TMEM232: variants seen among roughly 807,000 people sequenced by gnomAD.
The protein encoded by TMEM232 is transmembrane protein 232.
TMEM232 carries 80 observed loss-of-function variants against 78.8 expected under a neutral mutation model. The observed-to-expected ratio is 1.01, with a 90% confidence interval of 0.85 to 1.22. TMEM232 has a LOEUF of 1.22. Among genes scored for constraint, TMEM232 ranks in the 50% most tolerant of loss-of-function variants. The pLI, the probability that TMEM232 is intolerant of heterozygous loss-of-function variation, is 0.00. For synonymous variants in TMEM232, 297 were observed against 254.3 expected (o/e 1.17, Z -1.60); for missense variants, 881 against 742.2 (o/e 1.19, Z -2.17).
At chr5:110,661,607 A>G (rs1789809863) in intron 2 of TMEM232, among the ~76,000 whole-genome samples, 1 of 152,116 alleles carries the variant, frequency 6.6e-6, no homozygotes, top group South Asian at 2.1e-4. Context: ...GCACTCCACC[A>G]TGCCTAGCCC....
At chr5:110,581,635 A>G (rs1778219063) in intron 10 of TMEM232, among the ~76,000 whole-genome samples, 1 of 151,986 alleles carries the variant, frequency 6.6e-6, no homozygotes, top group Admixed American at 6.6e-5. Flanking sequence ...AGACACCAAT[A>G]GCAATTAAAA....
chr5:110,501,347 G>A (rs979179413), intron 12 of TMEM232, among the ~76,000 whole-genome samples: 1 of 152,018 alleles, frequency 6.6e-6, no homozygotes, highest in Non-Finnish European at 1.5e-5. Context: ...TAAAGGAATT[G>A]TAAGAGAAAA....
At chr5:110,685,703 G>A (rs1051880188) in intron 1 of TMEM232, among the ~76,000 whole-genome samples, 5 of 152,078 alleles carry the variant, frequency 3.3e-5, no homozygotes, top group African/African-American at 7.2e-5. Flanking sequence ...AATGCCTATA[G>A]TACTGTTATT....
intron 11 of TMEM232, among the ~76,000 whole-genome samples, chr5:110,557,429 T>C (rs970344509): frequency 6.6e-6 from 1 of 152,168 alleles, no homozygotes; most frequent in Non-Finnish European, 1.5e-5. Flanking sequence ...GTGTGGTAAT[T>C]TGGAGGTAAG....
At chr5:110,636,724 T>C (rs1224205316) in intron 5 of TMEM232, among the ~76,000 whole-genome samples, 4 of 152,006 alleles carry the variant, frequency 2.6e-5, no homozygotes, top group Non-Finnish European at 4.4e-5. Context: ...ATGTAGAATA[T>C]GTGAAATCAT....
chr5:110,597,624 C>G (rs1430773262), intron 10 of TMEM232, among the ~76,000 whole-genome samples: 28 of 151,592 alleles, frequency 1.8e-4, no homozygotes, highest in Admixed American at 3.3e-4. Context: ...TACTACAAGG[C>G]TACAGTAACC....
At chr5:110,566,749 C>T (rs1197498874) in intron 11 of TMEM232, among the ~76,000 whole-genome samples, 1 of 151,914 alleles carries the variant, frequency 6.6e-6, no homozygotes, top group Non-Finnish European at 1.5e-5. Flanking sequence ...CTTACTGTTC[C>T]AACTTCTGCC....
intron 8 of TMEM232, among the ~76,000 whole-genome samples, chr5:110,613,858 T>G (rs987503074): frequency 6.6e-6 from 1 of 152,104 alleles, no homozygotes; most frequent in Non-Finnish European, 1.5e-5. Flanking sequence ...CAGGCCTTTA[T>G]ATAAATAAAT....
chr5:110,716,643 T>C (rs1406222518), intron 1 of TMEM232, among the ~76,000 whole-genome samples: 1 of 152,094 alleles, frequency 6.6e-6, no homozygotes, highest in Non-Finnish European at 1.5e-5. Context: ...TAAATACAAA[T>C]GAAACTTCAT....
chr5:110,595,027 G>A (rs968874053), intron 10 of TMEM232, among the ~76,000 whole-genome samples: 3 of 152,118 alleles, frequency 2.0e-5, no homozygotes, highest in Non-Finnish European at 2.9e-5. Context: ...GGAGAGCTCC[G>A]GCTGGCATCA....
At chr5:110,633,835 A>G (rs1322033987) in intron 5 of TMEM232, among the ~76,000 whole-genome samples, 2 of 152,188 alleles carry the variant, frequency 1.3e-5, no homozygotes, top group African/African-American at 4.8e-5. Flanking sequence ...GACAGGAACA[A>G]AACTTCACAT....
chr5:110,428,586 T>A (rs373751100), intron 12 of TMEM232, among the ~76,000 whole-genome samples: 24 of 151,674 alleles, frequency 1.6e-4, no homozygotes, highest in African/African-American at 5.1e-4. Context: ...TCAACATACT[T>A]TCTAATGTGC....
At chr5:110,647,927 T>C (rs553294200) in intron 2 of TMEM232, among the ~76,000 whole-genome samples, 1 of 152,036 alleles carries the variant, frequency 6.6e-6, no homozygotes, top group Admixed American at 6.6e-5. Flanking sequence ...CATTTATACA[T>C]ATCATTATTT....
At chr5:110,573,985 GAA>G (rs1232033419) in intron 10 of TMEM232, among the ~76,000 whole-genome samples, 2 of 152,026 alleles carry the variant, frequency 1.3e-5, no homozygotes, top group African/African-American at 4.8e-5. Context: ...GTGGGCCATG[GAA>G]AAGAGTTCAG....
At chr5:110,523,679 A>T (rs908869802) in intron 12 of TMEM232, among the ~76,000 whole-genome samples, 2 of 152,078 alleles carry the variant, frequency 1.3e-5, no homozygotes, top group African/African-American at 4.8e-5. Flanking sequence ...AAGACCTGGA[A>T]TGGCGAATCA....
chr5:110,482,592 T>C (rs1184732086), intron 12 of TMEM232, among the ~76,000 whole-genome samples: 2 of 114,974 alleles, frequency 1.7e-5, no homozygotes, highest in African/African-American at 1.2e-4. Context: ...AAAAAAAATT[T>C]ATATATATAT....
rs1776585741 is a variant in TMEM232 at position 110,568,510 on chromosome 5, T to C, written c.1392A>G (p.Thr464=). Residue 464 remains threonine (T), a synonymous_variant, in exon 11 of 14, where the codon ACA becomes ACG. Transcript: ENST00000455884. ...CCTCATAATCCTTTGTTTTCTGCAA[T>C]GTTTGCCATATCATGTTTCTAAGTC... ...QDGLRNMIWQ[T]LQKTKDYEED... is the part of the protein sequence containing the mutation. The C allele has an allele frequency of 6.5e-7, 1 of 1,549,146 alleles. No individual in the cohort carries two copies. Among genetic ancestry groups the C allele is most frequent in the Non-Finnish European group, 8.7e-7 (1 of 1,145,600 alleles).
chr5:110,396,495 A>C (rs1755392492), intron 3 of TMEM232, among the ~76,000 whole-genome samples: 1 of 152,324 alleles, frequency 6.6e-6, no homozygotes, highest in East Asian at 1.9e-4. Context: ...ACAGTGATGA[A>C]GACATGGCAT....
At chr5:110,709,406 T>C (rs948703758) in intron 1 of TMEM232, among the ~76,000 whole-genome samples, 2 of 152,222 alleles carry the variant, frequency 1.3e-5, no homozygotes, top group East Asian at 1.9e-4. Context: ...TTACAGAACA[T>C]TTCATCCAAC....
Sources: allele counts gnomAD v4.1 joint callset (sites outside exome capture counted in the v4.1 genomes callset), GRCh38; gene constraint gnomAD v4.1.1; transcripts MANE v1.5; gene names NCBI Gene and HGNC (gene_info 2026-07-23, HGNC 2026-07-21).